The following DOK5 variants were observed in gnomAD, a reference collection of about 807,000 sequenced individuals.
The protein encoded by DOK5 is downstream of tyrosine kinase 5.
DOK5 carries 27 observed loss-of-function variants against 43.3 expected under a neutral mutation model. The observed-to-expected ratio is 0.62, with a 90% CI of 0.46 to 0.86. The LOEUF (loss-of-function observed/expected upper bound fraction) is 0.86. Ranked by LOEUF, DOK5 falls within the 40% of genes least tolerant of loss-of-function variation. DOK5 has a pLI of 0.00. For missense variants in DOK5, 373 were observed against 392.9 expected, an observed-to-expected ratio of 0.95 and a Z score of 0.43; for synonymous variants, 146 against 140.1, an observed-to-expected ratio of 1.04 and a Z score of -0.30.
At chr20:54,642,316 T>A (rs1287667235) in intron 6 of DOK5, among the ~76,000 whole-genome samples, 4 of 152,160 alleles carry the variant, frequency 2.6e-5, no homozygotes, top group Non-Finnish European at 4.4e-5. Flanking sequence ...CCTCCCTCAA[T>A]GTCTGGAACA....
intron 5 of DOK5, among the ~76,000 whole-genome samples, chr20:54,602,600 G>A (rs145354688): frequency 6.6e-6 from 1 of 152,310 alleles, no homozygotes; most frequent in Non-Finnish European, 1.5e-5. Flanking sequence ...TAATGTACCT[G>A]TGTTACTAAG....
chr20:54,480,999 TATC>T (rs1295743722), intron 1 of DOK5, among the ~76,000 whole-genome samples: 1 of 135,666 alleles, frequency 7.4e-6, no homozygotes, highest in Admixed American at 7.3e-5. Flanking sequence ...ATCATCTATC[TATC>T]ATCTATCATC....
chr20:54,559,496 T>C (rs1444753119), intron 2 of DOK5, among the ~76,000 whole-genome samples: 1 of 152,220 alleles, frequency 6.6e-6, no homozygotes, highest in African/African-American at 2.4e-5. Context: ...GTTTAATGTT[T>C]CCCAAAATGT....
chr20:54,601,038 A>G (rs1986284762), intron 5 of DOK5, among the ~76,000 whole-genome samples: 1 of 152,160 alleles, frequency 6.6e-6, no homozygotes, highest in Non-Finnish European at 1.5e-5. Flanking sequence ...TTGGATGATG[A>G]TAGGTTTTTA....
chr20:54,502,302 T>C (rs971637398), intron 1 of DOK5, among the ~76,000 whole-genome samples: 4 of 152,340 alleles, frequency 2.6e-5, no homozygotes, highest in Admixed American at 6.5e-5. Context: ...GTATCTTCTA[T>C]GTATAAGGTA....
intron 1 of DOK5, among the ~76,000 whole-genome samples, chr20:54,511,323 A>G (rs2426519): frequency 6.6e-6 from 1 of 152,134 alleles, no homozygotes; most frequent in Non-Finnish European, 1.5e-5. Flanking sequence ...AAAGTTATTG[A>G]CATTGCTTTG....
At chr20:54,622,894 T>C (rs1226394545) in intron 6 of DOK5, among the ~76,000 whole-genome samples, 1 of 152,080 alleles carries the variant, frequency 6.6e-6, no homozygotes, top group Admixed American at 6.6e-5. Context: ...CTGATCTGTT[T>C]TGGGAAGTCA....
At chr20:54,545,935 TA>T (rs1183016229) in intron 1 of DOK5, among the ~76,000 whole-genome samples, 1 of 152,206 alleles carries the variant, frequency 6.6e-6, no homozygotes, top group Non-Finnish European at 1.5e-5. Context: ...TGTCTCTTTT[TA>T]GATTATGATA....
Position 54,518,349 on chromosome 20 carries a change from C to T in DOK5, c.67-36584C>T, listed in dbSNP as rs554563944. Among the ~76,000 whole-genome samples the T allele has an allele frequency of 5.3e-5, 8 of 151,988 alleles. No homozygotes were observed. The South Asian group carries it at 1.7e-3, about 32-fold the overall frequency. ...TCCATGTGTTCTCATTGTTCAATTC[C>T]CACCTATGAGTGAGAACATGTGGTG... On this transcript the variant is annotated intron_variant, in intron 1 of 7. Coordinates refer to ENST00000262593, the MANE Select transcript of DOK5 (RefSeq NM_018431.5).
chr20:54,642,580 C>A (rs1175405342), intron 6 of DOK5, among the ~76,000 whole-genome samples: 1 of 149,910 alleles, frequency 6.7e-6, no homozygotes, highest in African/African-American at 2.5e-5. Context: ...AAAAATTAGC[C>A]GGGCGTGGTG....
At chr20:54,487,352 T>A (rs1981977564) in intron 1 of DOK5, among the ~76,000 whole-genome samples, 1 of 152,164 alleles carries the variant, frequency 6.6e-6, no homozygotes, top group Admixed American at 6.5e-5. Context: ...TGATTAACTT[T>A]ATATTATGTT....
chr20:54,585,306 G>A (rs375358343), intron 2 of DOK5, among the ~76,000 whole-genome samples: 4 of 152,124 alleles, frequency 2.6e-5, no homozygotes, highest in Admixed American at 6.6e-5. Context: ...TCTCCTGAGC[G>A]GGGGTGTTCA....
At chr20:54,613,527 G>T (rs566902213) in intron 6 of DOK5, among the ~76,000 whole-genome samples, 70 of 152,240 alleles carry the variant, frequency 4.6e-4, no homozygotes, top group African/African-American at 1.7e-3. Context: ...TTTTGAGTGG[G>T]TAGCTTTCCA....
intron 6 of DOK5, among the ~76,000 whole-genome samples, chr20:54,621,432 C>T (rs1448962513): frequency 6.6e-6 from 1 of 152,212 alleles, no homozygotes; most frequent in Non-Finnish European, 1.5e-5. Context: ...TGGCTCACGC[C>T]TGTAATCCCA....
chr20:54,598,622 GAGA>G (rs1215891815), intron 5 of DOK5, among the ~76,000 whole-genome samples: 3 of 152,228 alleles, frequency 2.0e-5, no homozygotes, highest in Non-Finnish European at 2.9e-5. Flanking sequence ...GCAGGAGCCA[GAGA>G]AGCTCAGGTG....
At chr20:54,569,312 C>T (rs991030077) in intron 2 of DOK5, among the ~76,000 whole-genome samples, 1 of 152,096 alleles carries the variant, frequency 6.6e-6, no homozygotes, top group Non-Finnish European at 1.5e-5. Flanking sequence ...ACACGAATTG[C>T]CCTAGTCCCC....
chr20:54,611,162 G>T (rs1294109225), intron 6 of DOK5, among the ~76,000 whole-genome samples: 1 of 152,170 alleles, frequency 6.6e-6, no homozygotes, highest in Non-Finnish European at 1.5e-5. Context: ...ACAGTCATCG[G>T]TATATAAAGA....
intron 7 of DOK5, among the ~76,000 whole-genome samples, chr20:54,645,371 C>T (rs1485120207): frequency 3.6e-5 from 4 of 110,164 alleles, no homozygotes; most frequent in African/African-American, 1.4e-4. Context: ...TCTGAACCCT[C>T]AGTCCTCCAT....
At chr20:54,608,740 A>C (rs572172682) in intron 5 of DOK5, among the ~76,000 whole-genome samples, 13 of 148,902 alleles carry the variant, frequency 8.7e-5, no homozygotes, top group African/African-American at 2.7e-4. Context: ...GCATGATCTC[A>C]GCTCACTGCA....
Sources: allele counts gnomAD v4.1 joint callset (sites outside exome capture counted in the v4.1 genomes callset), GRCh38; gene constraint gnomAD v4.1.1; transcripts MANE v1.5; gene names NCBI Gene and HGNC (gene_info 2026-07-23, HGNC 2026-07-21).